CHODL: variants seen among roughly 807,000 people sequenced by gnomAD.
The protein encoded by CHODL is chondrolectin.
Under a neutral mutation model 34.5 loss-of-function variants are expected in CHODL, and 29 were observed. The ratio of observed to expected loss-of-function variants is 0.84; its 90% CI spans 0.63 to 1.15. CHODL has a LOEUF of 1.15. Among genes scored for constraint, CHODL ranks in the 50% most tolerant of loss-of-function variants. The pLI, the probability that CHODL is intolerant of heterozygous loss-of-function variation, is 0.00. For missense variants in CHODL, 332 were observed against 332.5 expected (o/e 1.00, Z 0.01); for synonymous variants, 125 against 116.1 (o/e 1.08, Z -0.49).
chr21:18,221,082 T>C (rs2073878989), intron 2 of CHODL, among the ~76,000 whole-genome samples: 1 of 152,176 alleles, frequency 6.6e-6, no homozygotes, highest in African/African-American at 2.4e-5. Context: ...TTCTTCATGC[T>C]TTTTAATTCT....
At position 18,001,540 on chromosome 21, in the gene CHODL, T is replaced by C. The variant is rs578169915; in HGVS notation, c.-144-26332T>C. Among the ~76,000 whole-genome samples the C allele has an allele frequency of 2.0e-5, 3 of 152,340 alleles. No individual in the cohort carries two copies. In the East Asian group the frequency reaches 5.8e-4, roughly 29 times the overall value. ...TCAGATCCATCATGCTAAGGATTAC[T>C]CAGGGACTGTTGAATAGACACATGT... On this transcript the variant is annotated intron_variant, in intron 1 of 6. Transcript: ENST00000400127.
intron 2 of CHODL, among the ~76,000 whole-genome samples, chr21:18,100,810 GTATT>G (rs769691519): frequency 6.6e-6 from 1 of 152,076 alleles, no homozygotes; most frequent in Non-Finnish European, 1.5e-5. Flanking sequence ...ATCTGTGAGA[GTATT>G]TATATACTGT....
intron 1 of CHODL, among the ~76,000 whole-genome samples, chr21:18,001,106 C>A (rs1019754786): frequency 6.6e-6 from 1 of 152,078 alleles, no homozygotes; most frequent in African/African-American, 2.4e-5. Flanking sequence ...TGGGCATGGG[C>A]CATCCTATGT....
At chr21:18,098,041 C>A (rs1353577581) in intron 2 of CHODL, among the ~76,000 whole-genome samples, 1 of 152,064 alleles carries the variant, frequency 6.6e-6, no homozygotes, top group Non-Finnish European at 1.5e-5. Flanking sequence ...CCCTATGTCT[C>A]ACCACATACA....
At chr21:18,009,580 C>G (rs1438025965) in intron 1 of CHODL, among the ~76,000 whole-genome samples, 1 of 152,012 alleles carries the variant, frequency 6.6e-6, no homozygotes, top group Non-Finnish European at 1.5e-5. Context: ...GCTATACAAC[C>G]TAATTGAAAT....
chr21:18,265,927 C>G (rs753885293), intron 5 of CHODL, 27 bp from the exon 6 acceptor site: 2 of 1,594,156 alleles, frequency 1.3e-6, no homozygotes, highest in East Asian at 2.2e-5. Context: ...ATTTTAGGCA[C>G]TAAACATTTT....
chr21:17,951,865 A>G (rs1301536397), intron 1 of CHODL, among the ~76,000 whole-genome samples: 1 of 152,218 alleles, frequency 6.6e-6, no homozygotes, highest in African/African-American at 2.4e-5. Flanking sequence ...TCACATTCAT[A>G]TGATAGAAAT....
intron 1 of CHODL, among the ~76,000 whole-genome samples, chr21:17,964,163 A>G (rs1347839164): frequency 6.6e-6 from 1 of 152,256 alleles, no homozygotes; most frequent in African/African-American, 2.4e-5. Context: ...AGCCGAAATG[A>G]AATAAAATAA....
intron 1 of CHODL, among the ~76,000 whole-genome samples, chr21:17,970,591 T>C (rs547040800): frequency 6.6e-6 from 1 of 152,270 alleles, no homozygotes; most frequent in South Asian, 2.1e-4. Flanking sequence ...GCATTTTTTG[T>C]TTTTTAATTT....
At chr21:17,926,853 A>G (rs2063227572) in intron 1 of CHODL, among the ~76,000 whole-genome samples, 2 of 152,068 alleles carry the variant, frequency 1.3e-5, no homozygotes, top group African/African-American at 4.8e-5. Flanking sequence ...TTATAAAAAG[A>G]ATACTCTGGA....
intron 1 of CHODL, among the ~76,000 whole-genome samples, chr21:17,924,733 T>C (rs1239676764): frequency 6.6e-6 from 1 of 152,224 alleles, no homozygotes; most frequent in Non-Finnish European, 1.5e-5. Context: ...CAATAATACA[T>C]GCTTGATATT....
intron 2 of CHODL, among the ~76,000 whole-genome samples, chr21:18,172,946 G>C (rs2146662937): frequency 6.6e-6 from 1 of 152,206 alleles, no homozygotes; most frequent in African/African-American, 2.4e-5. Context: ...TCAGTTTACT[G>C]GCAGAATTTA....
At chr21:18,239,938 AAGAG>A (rs2074065567), upstream of CHODL, among the ~76,000 whole-genome samples, 3 of 151,976 alleles carry the variant, frequency 2.0e-5, no homozygotes, top group Non-Finnish European at 4.4e-5. Context: ...AAGAGAAAGA[AAGAG>A]GGAGGGAGGA....
chr21:18,265,251 A>G (rs934678141), intron 5 of CHODL, among the ~76,000 whole-genome samples: 1 of 139,802 alleles, frequency 7.2e-6, no homozygotes, highest in Non-Finnish European at 1.5e-5. Context: ...ATATATGTGT[A>G]TATATATGTG....
At chr21:18,227,262 G>A (rs1202007573) in intron 2 of CHODL, among the ~76,000 whole-genome samples, 1 of 152,108 alleles carries the variant, frequency 6.6e-6, no homozygotes, top group Non-Finnish European at 1.5e-5. Context: ...ATTTTGGGGA[G>A]ACACAGACAT....
chr21:18,128,439 C>A (rs1432157571), intron 2 of CHODL, among the ~76,000 whole-genome samples: 1 of 150,180 alleles, frequency 6.7e-6, no homozygotes, highest in African/African-American at 2.4e-5. Context: ...GAAGTCAAAG[C>A]AAAGGTAACC....
intron 2 of CHODL, among the ~76,000 whole-genome samples, chr21:18,031,171 A>G (rs2064243766): frequency 6.6e-6 from 1 of 152,116 alleles, no homozygotes; most frequent in Non-Finnish European, 1.5e-5. Flanking sequence ...GGTGAAGCTG[A>G]AACTGCCAAC....
chr21:18,108,253 C>T (rs1334026006), intron 2 of CHODL, among the ~76,000 whole-genome samples: 1 of 151,876 alleles, frequency 6.6e-6, no homozygotes, highest in African/African-American at 2.4e-5. Flanking sequence ...GGATATGGTC[C>T]TTTAAATGCA....
intron 2 of CHODL, among the ~76,000 whole-genome samples, chr21:18,173,972 A>T (rs1335634430): frequency 4.0e-5 from 6 of 151,170 alleles, no homozygotes; most frequent in African/African-American, 1.5e-4. Context: ...CCCTGATAAA[A>T]ATTTTAAAAA....
Sources: allele counts gnomAD v4.1 joint callset (sites outside exome capture counted in the v4.1 genomes callset), GRCh38; gene constraint gnomAD v4.1.1; transcripts MANE v1.5; gene names NCBI Gene and HGNC (gene_info 2026-07-23, HGNC 2026-07-21).